The following PMM1 variants were observed in gnomAD, a reference collection of about 807,000 sequenced individuals.
PMM1 encodes the protein phosphomannomutase 1.
A neutral mutation model predicts 34.0 loss-of-function variants in PMM1; 25 were observed. The observed-to-expected ratio is 0.73, with a 90% CI of 0.54 to 1.03. PMM1 has a LOEUF of 1.03. Among genes scored for constraint, PMM1 ranks in the 50% least tolerant of loss-of-function variants. PMM1 has a pLI of 0.00. For synonymous variants in PMM1, 134 were observed against 143.9 expected, an observed-to-expected ratio of 0.93 and a Z score of 0.49; for missense variants, 321 against 350.1, an observed-to-expected ratio of 0.92 and a Z score of 0.66.
intron 2 of PMM1, among the ~76,000 whole-genome samples, chr22:41,585,578 G>A (rs574498603): frequency 4.0e-5 from 6 of 151,838 alleles, no homozygotes; most frequent in Non-Finnish European, 8.8e-5. Context: ...TGCAACCTCC[G>A]CCTCCCAGGT....
intron 2 of PMM1, 192 bp from the exon 3 acceptor site, chr22:41,584,795 T>C (rs2067289326): frequency 2.4e-5 from 14 of 576,300 alleles, no homozygotes; most frequent in Non-Finnish European, 4.3e-5. Flanking sequence ...AAGAAGCCAG[T>C]CACACCTGTG....
At chr22:41,577,620 G>A (rs1602003785) in intron 7 of PMM1, 180 bp from the exon 8 acceptor site, 1 of 842,258 alleles carries the variant, frequency 1.2e-6, no homozygotes, top group East Asian at 2.7e-5. Flanking sequence ...GCCTCTTGGG[G>A]CCCCAGCTTT....
At chr22:41,583,396 C>G (rs542939941) in intron 5 of PMM1, among the ~76,000 whole-genome samples, 150 of 152,208 alleles carry the variant, frequency 9.9e-4, no homozygotes, top group African/African-American at 3.3e-3. Flanking sequence ...GCAGGAGAAT[C>G]GCTTGAACAC....
chr22:41,589,480 T>G (rs1355358251), intron 1 of PMM1: 1 of 588,582 alleles, frequency 1.7e-6, no homozygotes, highest in African/African-American at 1.9e-5. Context: ...CCTCCAGTAC[T>G]GGATCCAACC....
chr22:41,586,233 A>G, intron 1 of PMM1, 40 bp from the exon 2 acceptor site: 1 of 1,600,058 alleles, frequency 6.2e-7, no homozygotes, highest in Non-Finnish European at 8.5e-7. Flanking sequence ...CTGGCTTTCA[A>G]CATGTCTGGG....
intron 3 of PMM1, 44 bp from the exon 4 acceptor site, chr22:41,584,416 G>A (rs777213286): frequency 2.5e-6 from 4 of 1,592,314 alleles, no homozygotes; most frequent in South Asian, 1.1e-5. Context: ...TGGGCTGCCT[G>A]ACCCTGAGAC....
At chr22:41,589,602 C>T (rs1184165469) in intron 1 of PMM1, 117 bp downstream of exon 1, 2 of 873,824 alleles carry the variant, frequency 2.3e-6, no homozygotes, top group Non-Finnish European at 1.8e-6. Context: ...CGGGTACCGC[C>T]GCATCCCACA....
chr22:41,582,083 G>A (rs772821491), intron 5 of PMM1, among the ~76,000 whole-genome samples: 5 of 149,506 alleles, frequency 3.3e-5, no homozygotes, highest in Admixed American at 6.7e-5. Context: ...GGTGGAGGTT[G>A]CAGTGAGCCG....
intron 1 of PMM1, among the ~76,000 whole-genome samples, chr22:41,587,948 T>C (rs945354010): frequency 1.3e-5 from 2 of 152,254 alleles, no homozygotes; most frequent in Non-Finnish European, 2.9e-5. Flanking sequence ...GACAAATTAA[T>C]AGGCTGTTCT....
At chr22:41,584,738 A>T (rs1182148490) in intron 2 of PMM1, 135 bp from the exon 3 acceptor site, 1 of 630,368 alleles carries the variant, frequency 1.6e-6, no homozygotes, top group African/African-American at 1.8e-5. Context: ...CTGAGGCTAC[A>T]ACCTGCTTCT....
intron 7 of PMM1, 61 bp from the exon 8 acceptor site, chr22:41,577,501 GCTA>G: frequency 6.5e-7 from 1 of 1,538,600 alleles, no homozygotes; most frequent in Non-Finnish European, 8.8e-7. Flanking sequence ...CACATTGGCT[GCTA>G]CGGACCTGCC....
At chr22:41,586,325 C>A in intron 1 of PMM1, 132 bp from the exon 2 acceptor site, 1 of 1,502,022 alleles carries the variant, frequency 6.7e-7, no homozygotes, top group Admixed American at 2.5e-5. Flanking sequence ...AAAGCTTAGA[C>A]ACCAAAAATT....
chr22:41,588,937 G>A, intron 1 of PMM1: 1 of 1,144,576 alleles, frequency 8.7e-7, no homozygotes, highest in South Asian at 1.4e-5. Flanking sequence ...GATGCATCCA[G>A]CTGGTGAGGG....
chr22:41,586,604 G>A (rs1037428201), intron 1 of PMM1, among the ~76,000 whole-genome samples: 75 of 152,066 alleles, frequency 4.9e-4, no homozygotes, highest in African/African-American at 1.7e-3. Context: ...TGCCTCCCGG[G>A]TTCAAGCGAT....
chr22:41,585,119 T>G (rs1254499014), intron 2 of PMM1: 2 of 152,700 alleles, frequency 1.3e-5, no homozygotes, highest in African/African-American at 4.8e-5. Context: ...CCAGAGGCTG[T>G]TGCGGGGTCT....
intron 2 of PMM1, 128 bp downstream of exon 2, chr22:41,585,948 T>C (rs2067302238): frequency 1.4e-6 from 1 of 735,276 alleles, no homozygotes; most frequent in Non-Finnish European, 2.2e-6. Context: ...GTTTGTCAAA[T>C]CAGTAAGGGA....
chr22:41,584,174 C>G lies in PMM1; in HGVS notation c.374+107G>C, dbSNP rs371975173. ...TTCAAAGGGGACAAGAATCCACACT[C>G]CCCGCAAAAAATCAGGGGCCCAAGT... On this transcript the variant is annotated intron_variant, in intron 4 of 7. Coordinates refer to ENST00000216259, the MANE Select transcript of PMM1 (RefSeq NM_002676.3). 1.8e-5 allele frequency: 24 copies of G among 1,300,996 alleles called. 1 individual carries two copies. In the South Asian group the frequency reaches 2.6e-4, roughly 14 times the overall value. The allele number at this position is 1,300,996 out of a possible 1,614,324, so 80.6% of individuals were successfully genotyped here.
At chr22:41,589,582 G>C (rs1177848706) in intron 1 of PMM1, 137 bp downstream of exon 1, 1 of 723,942 alleles carries the variant, frequency 1.4e-6, no homozygotes, top group Non-Finnish European at 2.3e-6. Flanking sequence ...GGCCCCGGAT[G>C]TCAGGGGGCC....
At chr22:41,589,221 C>T (rs1335956347) in intron 1 of PMM1, 9 of 816,406 alleles carry the variant, frequency 1.1e-5, no homozygotes, top group Non-Finnish European at 1.7e-5. Context: ...CAGTCCCAGG[C>T]CTGCAAAGGT....
Sources: gnomAD v4.1 joint callset for allele counts (sites outside exome capture counted in the v4.1 genomes callset) on GRCh38, gnomAD v4.1.1 for gene constraint, MANE v1.5 for transcripts, NCBI Gene and HGNC (gene_info 2026-07-23, HGNC 2026-07-21) for gene names.